BRD10: variants seen among roughly 807,000 people sequenced by gnomAD.
BRD10 encodes the protein uncharacterized bromodomain-containing protein 10.
the BRD10 span, among the ~76,000 whole-genome samples, chr9:5,929,981 G>C: frequency 1.3e-5 from 2 of 151,962 alleles, no homozygotes; most frequent in South Asian, 4.1e-4. Context: ...ATCTGACACA[G>C]GCTATAGAAA....
chr9:5,969,187 T>C, the BRD10 span: 26 of 1,613,698 alleles, frequency 1.6e-5, no homozygotes, highest in Non-Finnish European at 2.2e-5. Context: ...GAGGACTTAA[T>C]AGAGAAGTCA....
chr9:5,963,637 G>A, the BRD10 span, among the ~76,000 whole-genome samples: 24 of 152,150 alleles, frequency 1.6e-4, no homozygotes, highest in East Asian at 2.3e-3. Context: ...GAGGCATCAC[G>A]CTACCTGACT....
the BRD10 span, among the ~76,000 whole-genome samples, chr9:5,918,547 T>C: frequency 1.3e-5 from 2 of 151,810 alleles, no homozygotes; most frequent in Admixed American, 6.6e-5. Context: ...AAACCATCTC[T>C]ACAAAAAATT....
chr9:5,931,217 G>T, the BRD10 span, among the ~76,000 whole-genome samples: 1 of 152,126 alleles, frequency 6.6e-6, no homozygotes, highest in African/African-American at 2.4e-5. Context: ...GTAGTGTGGC[G>T]GGGGATGCAG....
the BRD10 span, among the ~76,000 whole-genome samples, chr9:5,895,663 T>C: frequency 6.6e-6 from 1 of 152,206 alleles, no homozygotes; most frequent in Non-Finnish European, 1.5e-5. Flanking sequence ...AAAATGCAGA[T>C]TTCTAGGTGC....
the BRD10 span, chr9:5,953,971 GA>G: frequency 8.5e-7 from 1 of 1,174,064 alleles, no homozygotes; most frequent in South Asian, 1.3e-5. Flanking sequence ...TATGAACACT[GA>G]AACAAAAAAT....
At chr9:5,931,187 G>A in the BRD10 span, among the ~76,000 whole-genome samples, 1 of 152,188 alleles carries the variant, frequency 6.6e-6, no homozygotes, top group Non-Finnish European at 1.5e-5. Context: ...CAGTATGACT[G>A]CTGCCTGGAT....
the BRD10 span, among the ~76,000 whole-genome samples, chr9:5,899,507 G>C: frequency 9.9e-5 from 15 of 152,278 alleles, no homozygotes; most frequent in East Asian, 2.3e-3. Context: ...CATCTAGTGG[G>C]AAGGAGGAGG....
chr9:5,965,296 A>G, the BRD10 span, among the ~76,000 whole-genome samples: 1 of 152,088 alleles, frequency 6.6e-6, no homozygotes, highest in Non-Finnish European at 1.5e-5. Context: ...TACTCGAAAA[A>G]AAGCTGTGTT....
the BRD10 span, among the ~76,000 whole-genome samples, chr9:5,930,707 C>T: frequency 3.3e-4 from 50 of 152,134 alleles, 1 homozygote; most frequent in East Asian, 9.1e-3. Flanking sequence ...ATTTTTATTT[C>T]ATATATTAAT....
At chr9:5,953,659 A>T in the BRD10 span, among the ~76,000 whole-genome samples, 2 of 151,788 alleles carry the variant, frequency 1.3e-5, no homozygotes, top group African/African-American at 2.4e-5. Context: ...GAAGAGTTTC[A>T]TTCACACATT....
the BRD10 span, among the ~76,000 whole-genome samples, chr9:5,930,751 A>G: frequency 6.6e-6 from 1 of 152,226 alleles, no homozygotes; most frequent in African/African-American, 2.4e-5. Flanking sequence ...AATGTGTTCT[A>G]AAGTACACAA....
the BRD10 span, chr9:5,908,624 T>G: frequency 1.2e-6 from 2 of 1,612,034 alleles, no homozygotes; most frequent in African/African-American, 2.7e-5. Flanking sequence ...ATATTCTCCC[T>G]TTCTTGTTCT....
At chr9:5,929,190 GATTT>G in the BRD10 span, 2 of 1,097,826 alleles carry the variant, frequency 1.8e-6, no homozygotes, top group Non-Finnish European at 2.7e-6. Context: ...AAATCCCTTA[GATTT>G]ATTCTAAAAG....
At chr9:6,007,175 C>A in the BRD10 span, 3 of 1,605,302 alleles carry the variant, frequency 1.9e-6, no homozygotes, top group East Asian at 2.2e-5. Flanking sequence ...TCAGTCCCAC[C>A]GGGGACCGGG....
chr9:6,005,282 G>T, the BRD10 span, among the ~76,000 whole-genome samples: 1 of 151,504 alleles, frequency 6.6e-6, no homozygotes, highest in East Asian at 1.9e-4. Flanking sequence ...AGGCCGAGGC[G>T]GGCGGATCAC....
the BRD10 span, chr9:5,914,008 G>GA: frequency 2.2e-5 from 10 of 452,632 alleles, no homozygotes; most frequent in East Asian, 7.1e-5. Context: ...TTTCCCATGA[G>GA]AAAAAATGCT....
the BRD10 span, among the ~76,000 whole-genome samples, chr9:5,880,845 C>T: frequency 6.6e-6 from 1 of 152,020 alleles, no homozygotes; most frequent in South Asian, 2.1e-4. Context: ...GCTAGGATTA[C>T]AGGCGTGCGC....
At chr9:5,960,916 A>G in the BRD10 span, among the ~76,000 whole-genome samples, 3 of 152,222 alleles carry the variant, frequency 2.0e-5, no homozygotes, top group African/African-American at 7.2e-5. Context: ...AAAGATGTTC[A>G]TGGTATACTG....
Sources: allele counts gnomAD v4.1 joint callset (sites outside exome capture counted in the v4.1 genomes callset), GRCh38; gene constraint gnomAD v4.1.1; transcripts MANE v1.5; gene names NCBI Gene and HGNC (gene_info 2026-07-23, HGNC 2026-07-21).